STAC: variants seen among roughly 807,000 people sequenced by gnomAD.
The protein encoded by STAC is SH3 and cysteine rich domain, also known as SH3 and cysteine-rich domain-containing protein.
Under a neutral mutation model 48.8 loss-of-function variants are expected in STAC, and 43 were observed. The ratio of observed to expected loss-of-function variants is 0.88; its 90% CI spans 0.69 to 1.14. STAC has a LOEUF of 1.14. Ranked by LOEUF, STAC falls within the 50% of genes most tolerant of loss-of-function variation. The pLI, the probability that STAC is intolerant of heterozygous loss-of-function variation, is 0.00. For synonymous variants in STAC, 193 were observed against 179.5 expected, an observed-to-expected ratio of 1.07 and a Z score of -0.60; for missense variants, 497 against 504.0, an observed-to-expected ratio of 0.99 and a Z score of 0.13.
intron 2 of STAC, among the ~76,000 whole-genome samples, chr3:36,460,285 G>T (rs556363157): frequency 1.1e-4 from 16 of 152,084 alleles, no homozygotes; most frequent in African/African-American, 3.9e-4. Context: ...GCTCTACATT[G>T]CTGGTTTTCA....
In STAC at chr3:36,398,603, AG is replaced by A. The variant is rs1559477430; in HGVS notation, c.111+17851del. Among the ~76,000 whole-genome samples, 30 of 107,852 alleles carry A rather than the reference AG, an allele frequency of 2.8e-4. 1 individual carries two copies. The highest frequency in any genetic ancestry group is 4.0e-4 in the Non-Finnish European group (21 of 52,610). The allele number at this position is 107,852 out of a possible 152,430, so 70.8% of individuals were successfully genotyped here. ...AAGGAAGGAAGGAAGGAAGGAAGAA[AG>A]GAAGGAGGGAAGGAAGAGAAAAAGA... On this transcript the variant is annotated intron_variant, in intron 1 of 10. Transcript: ENST00000273183.
intron 1 of STAC, among the ~76,000 whole-genome samples, chr3:36,422,724 T>G (rs1203604468): frequency 1.3e-5 from 2 of 152,172 alleles, no homozygotes; most frequent in East Asian, 3.8e-4. Flanking sequence ...TTAAAAGTTT[T>G]TTTAAGTTGC....
intron 2 of STAC, among the ~76,000 whole-genome samples, chr3:36,455,281 G>A (rs908024320): frequency 1.3e-5 from 2 of 152,212 alleles, no homozygotes; most frequent in Admixed American, 6.5e-5. Flanking sequence ...AGAAGGACAG[G>A]AGGAGAAATT....
chr3:36,408,192 A>T (rs1049316144), intron 1 of STAC, among the ~76,000 whole-genome samples: 1 of 152,214 alleles, frequency 6.6e-6, no homozygotes, highest in Non-Finnish European at 1.5e-5. Flanking sequence ...CATACGATGT[A>T]AGCTAATCAA....
intron 1 of STAC, among the ~76,000 whole-genome samples, chr3:36,442,583 G>A (rs2125665257): frequency 6.6e-6 from 1 of 152,224 alleles, no homozygotes; most frequent in Admixed American, 6.5e-5. Flanking sequence ...ACCCAGTCCT[G>A]CCAGAATCTT....
chr3:36,442,986 T>C (rs897786313), intron 1 of STAC, among the ~76,000 whole-genome samples: 8 of 152,164 alleles, frequency 5.3e-5, no homozygotes, highest in African/African-American at 1.9e-4. Context: ...CATGTAGCCT[T>C]TGAGCCCATG....
chr3:36,462,343 C>T (rs1378968448), intron 2 of STAC, among the ~76,000 whole-genome samples: 1 of 151,920 alleles, frequency 6.6e-6, no homozygotes. Flanking sequence ...TATTTGACAG[C>T]CAAGCCAAAA....
chr3:36,528,769 A>T, intron 9 of STAC, 22 bp downstream of exon 9: 1 of 1,559,168 alleles, frequency 6.4e-7, no homozygotes, highest in Non-Finnish European at 8.6e-7. Context: ...TCTTTCTTTA[A>T]AAAAAAAAGA....
intron 1 of STAC, among the ~76,000 whole-genome samples, chr3:36,413,659 A>G (rs550207703): frequency 5.2e-4 from 79 of 152,314 alleles, no homozygotes; most frequent in African/African-American, 1.8e-3. Flanking sequence ...TAATTGGAGC[A>G]TTTAGCCCAT....
chr3:36,415,877 C>T lies in STAC; in HGVS notation c.112-27487C>T, dbSNP rs181836218. Among the ~76,000 whole-genome samples the T allele has an allele frequency of 5.9e-5, 9 of 152,240 alleles. No individual in the cohort carries two copies. The East Asian group carries it at 1.4e-3, about 23-fold the overall frequency. On this transcript the variant is annotated intron_variant, in intron 1 of 10. Transcript: ENST00000273183. ...TCTACATGCACTCACCCATCTGTTT[C>T]GGAGTTCTATGTTTACATTCAATTC...
At chr3:36,494,002 A>G (rs926969780) in intron 6 of STAC, among the ~76,000 whole-genome samples, 26 of 151,418 alleles carry the variant, frequency 1.7e-4, no homozygotes, top group African/African-American at 5.8e-4. Context: ...TACAAAAAAA[A>G]TTAGCCGGGC....
At chr3:36,417,555 A>G (rs1345890397) in intron 1 of STAC, among the ~76,000 whole-genome samples, 1 of 145,254 alleles carries the variant, frequency 6.9e-6, no homozygotes, top group East Asian at 2.0e-4. Flanking sequence ...AATAAACCCT[A>G]TTTGACCACA....
intron 1 of STAC, among the ~76,000 whole-genome samples, chr3:36,390,451 C>CTTTTTTGTTTTTTTTTTTT (rs1699727277): frequency 1.2e-5 from 1 of 80,824 alleles, no homozygotes; most frequent in Admixed American, 1.6e-4. Context: ...TTTTTCTTTT[C>CTTTTTTGTTTTTTTTTTTT]TTTTTTTTTT....
intron 1 of STAC, among the ~76,000 whole-genome samples, chr3:36,390,072 A>T (rs537048001): frequency 3.9e-5 from 6 of 152,274 alleles, no homozygotes; most frequent in Middle Eastern, 3.4e-3. Context: ...ACATGACTTA[A>T]CTTTAAATGC....
At chr3:36,390,003 G>A (rs1699715646) in intron 1 of STAC, among the ~76,000 whole-genome samples, 1 of 152,112 alleles carries the variant, frequency 6.6e-6, no homozygotes, top group Admixed American at 6.5e-5. Flanking sequence ...TAGGGACAGG[G>A]GTTTATTGCT....
At chr3:36,428,998 A>G (rs978946282) in intron 1 of STAC, among the ~76,000 whole-genome samples, 1 of 152,174 alleles carries the variant, frequency 6.6e-6, no homozygotes. Context: ...GCGGTTGTAC[A>G]GGTGAGACCA....
chr3:36,459,906 A>G (rs1009608717), intron 2 of STAC, among the ~76,000 whole-genome samples: 7 of 152,282 alleles, frequency 4.6e-5, no homozygotes, highest in African/African-American at 1.7e-4. Context: ...TTAATCTAGT[A>G]ACATTGTTTA....
At chr3:36,381,723 G>A (rs1256709008) in intron 1 of STAC, among the ~76,000 whole-genome samples, 2 of 152,152 alleles carry the variant, frequency 1.3e-5, no homozygotes, top group African/African-American at 4.8e-5. Flanking sequence ...ATGCATCCCT[G>A]GAAGCCATTG....
chr3:36,439,922 A>G (rs1696291582), intron 1 of STAC, among the ~76,000 whole-genome samples: 1 of 152,134 alleles, frequency 6.6e-6, no homozygotes, highest in South Asian at 2.1e-4. Flanking sequence ...GCAACTCCAC[A>G]ATAACTCAGG....
Sources: gnomAD v4.1 joint callset for allele counts (sites outside exome capture counted in the v4.1 genomes callset) on GRCh38, gnomAD v4.1.1 for gene constraint, MANE v1.5 for transcripts, NCBI Gene and HGNC (gene_info 2026-07-23, HGNC 2026-07-21) for gene names.